The following SPMIP2 variants were observed in gnomAD, a reference collection of about 807,000 sequenced individuals.
SPMIP2 encodes the protein sperm microtubule inner protein 2.
the SPMIP2 span, among the ~76,000 whole-genome samples, chr4:158,973,983 CAAAAAAAA>C: frequency 1.5e-5 from 1 of 64,972 alleles, no homozygotes; most frequent in Non-Finnish European, 2.6e-5. Flanking sequence ...AAGGCCACCT[CAAAAAAAA>C]AAAAAAAAAA....
chr4:159,054,326 CATT>C, the SPMIP2 span, among the ~76,000 whole-genome samples: 1 of 152,084 alleles, frequency 6.6e-6, no homozygotes, highest in East Asian at 1.9e-4. Context: ...ATTAGTTTAT[CATT>C]ATTCCAGCTC....
At chr4:159,017,356 T>C in the SPMIP2 span, among the ~76,000 whole-genome samples, 24 of 149,406 alleles carry the variant, frequency 1.6e-4, no homozygotes, top group Admixed American at 4.7e-4. Context: ...CACAAACACA[T>C]ACACACACAC....
the SPMIP2 span, among the ~76,000 whole-genome samples, chr4:159,061,548 C>G: frequency 1.3e-5 from 2 of 152,132 alleles, no homozygotes; most frequent in Non-Finnish European, 2.9e-5. Flanking sequence ...TGGCTCACAC[C>G]TGTAATCCCA....
the SPMIP2 span, among the ~76,000 whole-genome samples, chr4:159,044,393 A>G: frequency 2.0e-5 from 3 of 149,480 alleles, no homozygotes; most frequent in African/African-American, 2.4e-5. Context: ...AAAAAAAGAG[A>G]GAAAGAAAAA....
chr4:158,987,038 T>C, the SPMIP2 span, among the ~76,000 whole-genome samples: 3 of 135,002 alleles, frequency 2.2e-5, no homozygotes, highest in Non-Finnish European at 4.7e-5. Context: ...AAAATGTTCA[T>C]CATCACTGGC....
chr4:158,911,383 T>TAAATAAAA, the SPMIP2 span, among the ~76,000 whole-genome samples: 1 of 76,324 alleles, frequency 1.3e-5, no homozygotes, highest in African/African-American at 7.8e-5. Flanking sequence ...AATAAATAAA[T>TAAATAAAA]AAAATAAATA....
chr4:159,072,690 T>C, the SPMIP2 span, among the ~76,000 whole-genome samples: 1 of 152,094 alleles, frequency 6.6e-6, no homozygotes, highest in Non-Finnish European at 1.5e-5. Flanking sequence ...CTCAAACTCC[T>C]GGGCTCATGT....
the SPMIP2 span, among the ~76,000 whole-genome samples, chr4:158,920,495 G>A: frequency 6.6e-5 from 10 of 152,214 alleles, no homozygotes; most frequent in East Asian, 1.9e-3. Flanking sequence ...ATGCATTCCT[G>A]GGGGGAGATC....
At chr4:158,955,818 C>A in the SPMIP2 span, among the ~76,000 whole-genome samples, 1 of 152,224 alleles carries the variant, frequency 6.6e-6, no homozygotes, top group African/African-American at 2.4e-5. Flanking sequence ...ATCCTGATTT[C>A]AAGAATATTA....
the SPMIP2 span, among the ~76,000 whole-genome samples, chr4:158,939,078 G>A: frequency 6.6e-6 from 1 of 152,174 alleles, no homozygotes; most frequent in African/African-American, 2.4e-5. Context: ...AGCATCACTT[G>A]CTAATTTATA....
At chr4:158,968,617 T>C in the SPMIP2 span, among the ~76,000 whole-genome samples, 4 of 152,242 alleles carry the variant, frequency 2.6e-5, no homozygotes, top group African/African-American at 7.2e-5. Context: ...GGATGAAATC[T>C]TGGCTCTACT....
the SPMIP2 span, among the ~76,000 whole-genome samples, chr4:158,940,842 CA>C: frequency 6.6e-6 from 1 of 152,054 alleles, no homozygotes; most frequent in East Asian, 1.9e-4. Flanking sequence ...TCAAGTTGTC[CA>C]GTTTTTTTGG....
the SPMIP2 span, among the ~76,000 whole-genome samples, chr4:159,032,083 A>C: frequency 1.1e-4 from 16 of 151,998 alleles, no homozygotes; most frequent in Admixed American, 9.2e-4. Flanking sequence ...ATTAGTGGGC[A>C]TGGTGGCTCA....
At chr4:159,067,031 GT>G in the SPMIP2 span, among the ~76,000 whole-genome samples, 1 of 152,096 alleles carries the variant, frequency 6.6e-6, no homozygotes, top group Non-Finnish European at 1.5e-5. Flanking sequence ...ATAAAAATTG[GT>G]CTTTCACATA....
At chr4:158,927,194 T>C in the SPMIP2 span, among the ~76,000 whole-genome samples, 6 of 152,322 alleles carry the variant, frequency 3.9e-5, no homozygotes, top group East Asian at 1.2e-3. Flanking sequence ...ATGCCCTCTT[T>C]TTTAAAAAAT....
chr4:158,910,555 G>C, the SPMIP2 span, among the ~76,000 whole-genome samples: 1 of 152,218 alleles, frequency 6.6e-6, no homozygotes, highest in African/African-American at 2.4e-5. Flanking sequence ...TTACAGGCAT[G>C]AGCCACCACT....
the SPMIP2 span, chr4:158,908,143 A>ATC: frequency 1.3e-5 from 2 of 152,194 alleles, no homozygotes; most frequent in African/African-American, 4.8e-5. Flanking sequence ...CTGATTATTT[A>ATC]TCTCAGTGGT....
At chr4:158,908,659 T>TTTGTAG in the SPMIP2 span, among the ~76,000 whole-genome samples, 1 of 152,188 alleles carries the variant, frequency 6.6e-6, no homozygotes, top group Non-Finnish European at 1.5e-5. Flanking sequence ...AGCCCCTGCA[T>TTTGTAG]TCATGAAGAC....
the SPMIP2 span, among the ~76,000 whole-genome samples, chr4:158,948,691 C>A: frequency 6.6e-6 from 1 of 151,458 alleles, no homozygotes; most frequent in Non-Finnish European, 1.5e-5. Context: ...TGACTCATGG[C>A]AGCTTCGATC....
Sources: gnomAD v4.1 joint callset for allele counts (sites outside exome capture counted in the v4.1 genomes callset) on GRCh38, gnomAD v4.1.1 for gene constraint, MANE v1.5 for transcripts, NCBI Gene and HGNC (gene_info 2026-07-23, HGNC 2026-07-21) for gene names.